Variants in NCAPG2 observed in about 807,000 individuals in gnomAD.
NCAPG2 encodes condensin-2 complex subunit G2.
In NCAPG2, 53 loss-of-function variants were observed where a neutral mutation model predicts 141.1. The observed-to-expected ratio is 0.38, with a 90% CI of 0.30 to 0.47. The LOEUF is 0.47. Among genes scored for constraint, NCAPG2 ranks in the 20% least tolerant of loss-of-function variants. NCAPG2 has a pLI of 0.99. For synonymous variants in NCAPG2, 499 were observed against 490.7 expected, an observed-to-expected ratio of 1.02 and a Z score of -0.22; for missense variants, 1,087 against 1,389.0, an observed-to-expected ratio of 0.78 and a Z score of 3.46.
chr7:158,635,658 A>G (rs1489408162), intron 27 of NCAPG2, among the ~76,000 whole-genome samples: 1 of 152,224 alleles, frequency 6.6e-6, no homozygotes, highest in African/African-American at 2.4e-5. Flanking sequence ...TCCAGTTTAC[A>G]ATATGCTATA....
chr7:158,668,138 A>ATTACTGTTTT, intron 13 of NCAPG2: 1 of 89,602 alleles, frequency 1.1e-5, no homozygotes, highest in Non-Finnish European at 1.6e-5. Context: ...CTCCTTACCT[A>ATTACTGTTTT]CCCTCTGGCC....
intron 2 of NCAPG2, among the ~76,000 whole-genome samples, chr7:158,697,675 G>A (rs1835541626): frequency 6.6e-6 from 1 of 150,606 alleles, no homozygotes; most frequent in South Asian, 2.1e-4. Context: ...TTTTAGCAAA[G>A]ACATGGAATA....
chr7:158,695,611 G>C (rs1346137114), intron 2 of NCAPG2, among the ~76,000 whole-genome samples: 2 of 152,214 alleles, frequency 1.3e-5, no homozygotes, highest in Non-Finnish European at 2.9e-5. Context: ...CTGGCTGGAA[G>C]GGCAAGGAAA....
intron 24 of NCAPG2, among the ~76,000 whole-genome samples, chr7:158,649,140 G>C (rs2129458219): frequency 6.6e-6 from 1 of 152,286 alleles, no homozygotes; most frequent in East Asian, 1.9e-4. Context: ...GTCAGAGCCA[G>C]AGAGATTCCA....
intron 27 of NCAPG2, chr7:158,640,588 A>G (rs1830576841): frequency 6.6e-6 from 1 of 152,210 alleles, no homozygotes; most frequent in Admixed American, 6.5e-5. Context: ...TTCATCAACT[A>G]GAATTATAAA....
chr7:158,668,278 C>CCCA lies in NCAPG2; in HGVS notation c.1479+3235_1479+3236insTGG, dbSNP rs1460769370. The stretch of plus-strand genomic sequence containing the variant: ...CTACTGGGTCCCTCTGCCCTCCTTA[C>CCCA]CTACCTTGTGTCCCTAGGCCCTCCC... On this transcript the variant is annotated intron_variant, in intron 13 of 27. Coordinates refer to ENST00000356309, the MANE Select transcript of NCAPG2 (RefSeq NM_017760.7). The CCCA allele has an allele frequency of 1.9e-4, 172 of 886,896 alleles. 5 individuals are homozygous for CCCA. Among genetic ancestry groups the CCCA allele is most frequent in the African/African-American group, 9.8e-4 (44 of 44,998 alleles). The allele number at this position is 886,896 out of a possible 1,614,324, so 54.9% of individuals were successfully genotyped here.
At chr7:158,677,536 A>AAC (rs1834161328) in intron 11 of NCAPG2, among the ~76,000 whole-genome samples, 2 of 150,194 alleles carry the variant, frequency 1.3e-5, no homozygotes, top group Admixed American at 6.7e-5. Context: ...AAAAAAAAAA[A>AAC]AAAAAAAAAA....
At chr7:158,647,151 A>G (rs1651300666) in intron 24 of NCAPG2, among the ~76,000 whole-genome samples, 1 of 152,238 alleles carries the variant, frequency 6.6e-6, no homozygotes. Flanking sequence ...CATCTACTGT[A>G]AATAATGTGC....
At chr7:158,679,571 C>T (rs896177268) in intron 11 of NCAPG2, among the ~76,000 whole-genome samples, 1 of 152,084 alleles carries the variant, frequency 6.6e-6, no homozygotes, top group Non-Finnish European at 1.5e-5. Context: ...AGTGACTTGC[C>T]CAAAGCCACA....
chr7:158,673,777 G>A (rs753215282), intron 12 of NCAPG2, among the ~76,000 whole-genome samples: 17 of 152,196 alleles, frequency 1.1e-4, no homozygotes, highest in Non-Finnish European at 1.6e-4. Context: ...AGAGGCGCAC[G>A]GCTCCCTGGC....
chr7:158,638,062 T>G (rs140824374), intron 27 of NCAPG2, among the ~76,000 whole-genome samples: 46 of 152,190 alleles, frequency 3.0e-4, no homozygotes, highest in African/African-American at 1.1e-3. Context: ...AAGAATTACT[T>G]GAACCTGGGA....
At chr7:158,654,778 T>C in intron 21 of NCAPG2, 84 bp from the exon 22 acceptor site, 1 of 1,510,722 alleles carries the variant, frequency 6.6e-7, no homozygotes, top group Non-Finnish European at 8.8e-7. Flanking sequence ...CTCCTATCCA[T>C]GTGCTAGTTA....
intron 12 of NCAPG2, among the ~76,000 whole-genome samples, chr7:158,672,195 C>A (rs1191036971): frequency 6.6e-6 from 1 of 151,552 alleles, no homozygotes; most frequent in Non-Finnish European, 1.5e-5. Flanking sequence ...ACTGCTTAAG[C>A]TCTACTGCCT....
rs111440065 is a variant in NCAPG2, at chr7:158,667,353, G to C, written c.1480-2603C>G. The stretch of plus-strand genomic sequence containing the variant: ...CGCTACTGTGTCCCTCCGCTCCTTA[G>C]CCACTACCGGATCCCTCCGCCCCCC... On this transcript the variant is annotated intron_variant, in intron 13 of 27. Transcript: ENST00000356309. 0.013 allele frequency: 1,718 copies of C among 134,680 alleles called. 505 individuals are homozygous for C. The East Asian group carries it at 0.47, about 37-fold the overall frequency. 8.3% of individuals were successfully genotyped at this position (134,680 alleles called of 1,614,324 possible). A position where few individuals can be genotyped will look rare whatever the true frequency, so the allele number is the denominator to read the frequency against.
intron 8 of NCAPG2, among the ~76,000 whole-genome samples, chr7:158,685,699 T>C (rs1834717005): frequency 6.6e-6 from 1 of 152,212 alleles, no homozygotes; most frequent in African/African-American, 2.4e-5. Flanking sequence ...TTTTCCCAAA[T>C]ATTTTCGATC....
intron 17 of NCAPG2, among the ~76,000 whole-genome samples, chr7:158,657,629 G>A (rs565426768): frequency 1.8e-4 from 27 of 152,320 alleles, no homozygotes; most frequent in Non-Finnish European, 3.5e-4. Context: ...CCTCTGCCTG[G>A]CCACCACCCC....
intron 24 of NCAPG2, among the ~76,000 whole-genome samples, chr7:158,648,878 A>ACAGCCACGGCAAATGGAC (rs1462764447): frequency 6.6e-6 from 1 of 152,080 alleles, no homozygotes; most frequent in South Asian, 2.1e-4. Flanking sequence ...CAAATGGACT[A>ACAGCCACGGCAAATGGAC]TAACCACGGC....
intron 27 of NCAPG2, chr7:158,641,615 A>C: frequency 1.9e-6 from 1 of 531,060 alleles, no homozygotes; most frequent in Non-Finnish European, 3.3e-6. Flanking sequence ...TTCTAATCAA[A>C]ACAAAGCAGG....
In NCAPG2 at chr7:158,683,351, G is replaced by A. The variant is rs10274075; in HGVS notation, c.873C>T (p.Phe291=). Residue 291 remains phenylalanine, a synonymous_variant, in exon 9 of 28, where the codon TTC becomes TTT. Transcript: ENST00000356309. ...IENDCIQDFM[F]HGIHLPRRSP... The stretch of plus-strand genomic sequence containing the variant: ...ACCTCCTCGGAAGGTGTATCCCGTG[G>A]AACATGAAGTCCTGGATGCAATCAT... 5.6e-3 allele frequency: 9,024 copies of A among 1,606,984 alleles called. 367 individuals carry two copies. The African/African-American group carries it at 0.1, about 18-fold the overall frequency.
Sources: gnomAD v4.1 joint callset for allele counts (sites outside exome capture counted in the v4.1 genomes callset) on GRCh38, gnomAD v4.1.1 for gene constraint, MANE v1.5 for transcripts, NCBI Gene and HGNC (gene_info 2026-07-23, HGNC 2026-07-21) for gene names.